The following NAGK variants were observed in gnomAD, a reference collection of about 807,000 sequenced individuals.
NAGK encodes N-acetyl-D-glucosamine kinase.
In NAGK, 35 loss-of-function variants were observed where a neutral mutation model predicts 42.9. The ratio of observed to expected loss-of-function variants is 0.82; its 90% CI spans 0.62 to 1.08. The LOEUF (loss-of-function observed/expected upper bound fraction) is 1.08, where lower values mean the gene tolerates loss of function less well. NAGK is among the 50% of genes least tolerant of loss of function. The probability of loss-of-function intolerance (pLI) is 0.00; values close to 1 mark genes in which losing one functional copy is unlikely to be tolerated. For synonymous variants in NAGK, 172 were observed against 176.0 expected, an observed-to-expected ratio of 0.98 and a Z score of 0.18; for missense variants, 446 against 446.0, an observed-to-expected ratio of 1.00 and a Z score of 0.00.
rs1446616819 is a variant in NAGK, at chr2:71,073,342, C to T, written c.467-140C>T. ...CCCTCCCACCCCCCTCTCCCACCCCCTGCCACCCCTGGCTGGGAATCAGGA... is the reference window on the plus strand; with the variant it reads ...CCCTCCCACCCCCCTCTCCCACCCCTTGCCACCCCTGGCTGGGAATCAGGA... On this transcript the variant is annotated intron_variant, in intron 5 of 9. Coordinates refer to ENST00000244204, the MANE Select transcript of NAGK (RefSeq NM_017567.6). The T allele has an allele frequency of 5.1e-6, 3 of 591,584 alleles. No individual in the cohort carries two copies. In the African/African-American group the frequency reaches 5.6e-5, roughly 11 times the overall value. 36.6% of individuals were successfully genotyped at this position (591,584 alleles called of 1,614,324 possible).
In NAGK at chr2:71,078,414, G is replaced by A; in HGVS notation, c.941G>A (p.Gly314Asp). The A allele has an allele frequency of 6.2e-7, 1 of 1,614,088 alleles. No individual in the cohort carries two copies. Residue 314 changes from glycine (G) to aspartate (D), a missense_variant, in exon 10 of 10, where the codon GGT becomes GAT. Gly to Asp is a moderately conservative substitution (Grantham distance 94). Coordinates refer to ENST00000244204, the MANE Select transcript of NAGK (RefSeq NM_017567.6). ...LMKLRHSSAL[G>D]GASLGARHIG... Reference sequence around the variant, plus strand: ...AAGCTGAGGCACTCCTCCGCTCTGGGTGGGGCCAGCCTAGGGGCCAGGCAC... The same window carrying A: ...AAGCTGAGGCACTCCTCCGCTCTGGATGGGGCCAGCCTAGGGGCCAGGCAC...
intron 3 of NAGK, 67 bp from the exon 4 acceptor site, chr2:71,071,619 G>A: frequency 6.6e-7 from 1 of 1,526,132 alleles, no homozygotes; most frequent in Non-Finnish European, 8.8e-7. Flanking sequence ...CATCAGGAGG[G>A]GGCGGGGGTT....
chr2:71,069,048 A>G, intron 1 of NAGK: 1 of 1,080,528 alleles, frequency 9.3e-7, no homozygotes, highest in South Asian at 3.2e-5. Flanking sequence ...AGAGTTTTGC[A>G]GAACAGGTGT....
intron 6 of NAGK, 86 bp downstream of exon 6, chr2:71,073,680 G>A: frequency 8.9e-7 from 1 of 1,127,376 alleles, no homozygotes; most frequent in Non-Finnish European, 1.4e-6. Flanking sequence ...GGGAGGGCCT[G>A]GGCGGACCGG....
In NAGK at chr2:71,078,509, G is replaced by A; in HGVS notation, c.*1G>A. 2 of 1,524,944 alleles carry A rather than the reference G, an allele frequency of 1.3e-6. No homozygotes were observed. Among genetic ancestry groups the A allele is most frequent in the Non-Finnish European group, 1.8e-6 (2 of 1,129,982 alleles). 94.5% of individuals were successfully genotyped at this position (1,524,944 alleles called of 1,614,324 possible). A position where few individuals can be genotyped will look rare whatever the true frequency, so the allele number is the denominator to read the frequency against. On this transcript the variant is annotated 3_prime_UTR_variant, in exon 10 of 10. Transcript: ENST00000244204. Reference sequence around the variant, plus strand: ...CTTCTATTCCTACACCTTTTCCTAGGGGGCTGGTCCCGGCTCCACCCCCTC... The same window carrying A: ...CTTCTATTCCTACACCTTTTCCTAGAGGGCTGGTCCCGGCTCCACCCCCTC...
intron 7 of NAGK, chr2:71,076,192 C>G (rs1430752848): frequency 1.1e-5 from 2 of 185,198 alleles, no homozygotes; most frequent in African/African-American, 4.8e-5. Context: ...CAACAGCAGA[C>G]TGTTAGAAGT....
At chr2:71,075,313 G>C (rs1325532368) in intron 6 of NAGK, 2 of 431,028 alleles carry the variant, frequency 4.6e-6, no homozygotes, top group Non-Finnish European at 8.3e-6. Flanking sequence ...GAAACACTTT[G>C]GTTAACACAA....
rs915261666 is a variant in NAGK at position 71,073,328 on chromosome 2, C to A, written c.467-154C>A. On this transcript the variant is annotated intron_variant, in intron 5 of 9. Transcript: ENST00000244204. The stretch of plus-strand genomic sequence containing the variant: ...CAGTTTGATAGAGACCCTCCCACCC[C>A]CCTCTCCCACCCCCTGCCACCCCTG... 3.6e-5 allele frequency: 16 copies of A among 438,454 alleles called. No homozygotes were observed. The East Asian group carries it at 6.8e-4, about 19-fold the overall frequency. The allele number at this position is 438,454 out of a possible 1,614,324, so 27.2% of individuals were successfully genotyped here.
At chr2:71,069,359 A>G (rs1671911844) in intron 1 of NAGK, 1 of 153,028 alleles carries the variant, frequency 6.5e-6, no homozygotes, top group Non-Finnish European at 1.5e-5. Context: ...AAGTGAGGAT[A>G]GGGATAAATA....
rs574939127 is a variant in NAGK, at chr2:71,078,449, C to T, written c.976C>T (p.Leu326Phe). ...ASLGARHIGH[L>F]LPMDYSANAI... Reference sequence around the variant, plus strand: ...CCTAGGGGCCAGGCACATCGGGCACCTCCTCCCCATGGACTATAGCGCCAA... The same window carrying T: ...CCTAGGGGCCAGGCACATCGGGCACTTCCTCCCCATGGACTATAGCGCCAA... Residue 326 changes from leucine to phenylalanine, a missense_variant, in exon 10 of 10, where the codon CTC becomes TTC. Transcript: ENST00000244204. 6.2e-7 allele frequency: 1 copy of T among 1,612,428 alleles called. No individual in the cohort carries two copies. Among genetic ancestry groups the T allele is most frequent in the Non-Finnish European group, 8.5e-7 (1 of 1,179,310 alleles).
rs544314261 is a variant in NAGK, at chr2:71,070,513, G to T, written c.41G>T (p.Arg14Leu). Residue 14 changes from arginine (R) to leucine (L), a missense_variant, in exon 2 of 10, where the codon CGA becomes CTA. Transcript: ENST00000244204. ...CTTGTGTTCTGTAGGGGAGGCACAC[G>T]ATCCGAGGTCCTTTTAGTCTCAGAG... ...IYGGVEGGGTRSEVLLVSEDG... is the reference protein window; with the variant it reads ...IYGGVEGGGTLSEVLLVSEDG... 1.2e-6 allele frequency: 2 copies of T among 1,613,804 alleles called. No homozygotes were observed. The highest frequency in any genetic ancestry group is 2.2e-5 in the South Asian group (2 of 90,974).
intron 1 of NAGK, chr2:71,068,951 G>A (rs1472893976): frequency 1.4e-5 from 18 of 1,273,020 alleles, no homozygotes; most frequent in Non-Finnish European, 1.5e-5. Flanking sequence ...TTTCTTGGCG[G>A]AACCACGCCC....
Position 71,070,825 on chromosome 2 carries a change from C to T in NAGK, c.199C>T (p.Pro67Ser), listed in dbSNP as rs1572975629. The T allele has an allele frequency of 1.2e-6, 2 of 1,614,180 alleles. No homozygotes were observed. The highest frequency in any genetic ancestry group is 1.7e-6 in the Non-Finnish European group (2 of 1,180,020). Residue 67 changes from proline to serine, a missense_variant, in exon 3 of 10, where the codon CCG (proline) becomes TCG (serine). Pro to Ser is a moderately conservative substitution (Grantham distance 74, BLOSUM62 -1). Transcript: ENST00000244204. ...KRKAGVDPLV[P>S]LRSLGLSLSG... is the part of the protein sequence containing the mutation. ...GAAAGCAGGGGTGGATCCTCTGGTA[C>T]CGCTGCGAAGCTTGGTGAGTCTGGG... is the stretch of plus-strand genomic sequence containing the variant.
rs1672007720 is a variant in NAGK at position 71,071,672 on chromosome 2, C to T, written c.214-14C>T. 9 of 1,608,220 alleles carry T rather than the reference C, an allele frequency of 5.6e-6. No individual in the cohort carries two copies. The highest frequency in any genetic ancestry group is 6.8e-6 in the Non-Finnish European group (8 of 1,177,486). On this transcript the variant is annotated splice_polypyrimidine_tract_variant and intron_variant, in intron 3 of 9. Coordinates refer to ENST00000244204, the MANE Select transcript of NAGK (RefSeq NM_017567.6). The stretch of plus-strand genomic sequence containing the variant: ...TGGGGCTCTGCACACTCGCTCACCT[C>T]CCGCGTGGCCTAGGGCCTATCTCTG...
In NAGK at chr2:71,076,773, T is replaced by G. The variant is rs143889422; in HGVS notation, c.765+72T>G. On this transcript the variant is annotated intron_variant, in intron 8 of 9. Coordinates refer to ENST00000244204, the MANE Select transcript of NAGK (RefSeq NM_017567.6). ...GGTCCTTTCCCACTGTGGATGGGACTATCCCATCAAACCCTGCATAGATTG... is the reference window on the plus strand; with the variant it reads ...GGTCCTTTCCCACTGTGGATGGGACGATCCCATCAAACCCTGCATAGATTG... 7.4e-4 allele frequency: 921 copies of G among 1,248,576 alleles called. 12 individuals carry two copies. The African/African-American group carries it at 0.013, about 17-fold the overall frequency. The allele number at this position is 1,248,576 out of a possible 1,614,324, so 77.3% of individuals were successfully genotyped here.
upstream of NAGK, chr2:71,068,613 A>T (rs775436739): frequency 1.1e-5 from 17 of 1,525,262 alleles, no homozygotes; most frequent in African/African-American, 1.4e-5. Context: ...GTGCCCAGAC[A>T]GCTGGAGGGA....
At chr2:71,071,607 G>C (rs1281033199) in intron 3 of NAGK, 79 bp from the exon 4 acceptor site, 1 of 1,501,684 alleles carries the variant, frequency 6.7e-7, no homozygotes, top group African/African-American at 1.4e-5. Context: ...ACAGGAATCA[G>C]GCATCAGGAG....
Position 71,076,613 on chromosome 2 carries a change from A to T in NAGK, c.677A>T (p.Gln226Leu), listed in dbSNP as rs778377511. 6.2e-7 allele frequency: 1 copy of T among 1,613,224 alleles called. No homozygotes were observed. The highest frequency in any genetic ancestry group is 8.5e-7 in the Non-Finnish European group (1 of 1,179,346). The change falls in exon 8 of 10, where the codon CAG (glutamine) becomes CTG (leucine). Residue 226 changes from glutamine to leucine, a missense_variant. Gln to Leu is a moderately radical substitution (Grantham distance 113). Transcript: ENST00000244204. ...FCRKIAEGAQQGDPLSRYIFR... is the reference protein window; with the variant it reads ...FCRKIAEGAQLGDPLSRYIFR... ...GTCCTCCCTACCCCAGGTGCTCAGC[A>T]GGGAGACCCCCTTTCCCGCTATATC...
intron 5 of NAGK, 159 bp downstream of exon 5, chr2:71,072,910 A>G (rs896448727): frequency 9.8e-6 from 7 of 716,890 alleles, no homozygotes; most frequent in Non-Finnish European, 1.7e-5. Context: ...CTGAGATCAT[A>G]GAGGTGCAAA....
Sources: gnomAD v4.1 joint callset for allele counts on GRCh38, gnomAD v4.1.1 for gene constraint, MANE v1.5 for transcripts, NCBI Gene and HGNC (gene_info 2026-07-23, HGNC 2026-07-21) for gene names.